Variants in RBPMS observed in about 807,000 individuals in gnomAD.
RBPMS encodes the protein RNA binding protein, mRNA processing factor, also known as RNA-binding protein with multiple splicing.
In RBPMS, 7 loss-of-function variants were observed where a neutral mutation model predicts 26.8. The observed-to-expected ratio is 0.26, with a 90% confidence interval of 0.15 to 0.49. RBPMS has a LOEUF of 0.49. RBPMS is among the 20% of genes least tolerant of loss of function. The pLI, the probability that RBPMS is intolerant of heterozygous loss-of-function variation, is 0.98. For synonymous variants in RBPMS, 96 were observed against 93.3 expected (o/e 1.03, Z -0.17); for missense variants, 186 against 250.0 (o/e 0.74, Z 1.73).
At chr8:30,451,038 G>A (rs1166491587) in intron 1 of RBPMS, among the ~76,000 whole-genome samples, 2 of 152,136 alleles carry the variant, frequency 1.3e-5, no homozygotes, top group Non-Finnish European at 2.9e-5. Context: ...AGCCCTGGAG[G>A]TAGAAAATGT....
At chr8:30,479,140 T>A (rs1484976044) in intron 3 of RBPMS, among the ~76,000 whole-genome samples, 175 bp from the exon 4 acceptor site, 1 of 152,206 alleles carries the variant, frequency 6.6e-6, no homozygotes, top group Non-Finnish European at 1.5e-5. Context: ...TTGATTCATA[T>A]TAGAAATTTG....
At chr8:30,543,027 C>CT (rs1383992511) in intron 5 of RBPMS, among the ~76,000 whole-genome samples, 1 of 152,194 alleles carries the variant, frequency 6.6e-6, no homozygotes, top group Non-Finnish European at 1.5e-5. Flanking sequence ...GTCTGTCTTT[C>CT]TATCACCAAG....
chr8:30,509,245 C>A (rs1188243245), intron 5 of RBPMS, among the ~76,000 whole-genome samples: 1 of 152,142 alleles, frequency 6.6e-6, no homozygotes. Flanking sequence ...ACCTTTCTTC[C>A]TTCCTCCCTT....
intron 1 of RBPMS, among the ~76,000 whole-genome samples, chr8:30,440,019 ATCAG>A (rs1202947016): frequency 8.5e-5 from 13 of 152,214 alleles, no homozygotes; most frequent in African/African-American, 2.2e-4. Context: ...TCTACAATCA[ATCAG>A]TCAGTCAGTC....
In RBPMS at chr8:30,544,615, G is replaced by A; in HGVS notation, c.519G>A (p.Leu173=). The A allele has an allele frequency of 6.2e-7, 1 of 1,614,022 alleles. No individual in the cohort carries two copies. Among genetic ancestry groups the A allele is most frequent in the South Asian group, 1.1e-5 (1 of 91,078 alleles). ...PPPAFTYPAS[L]HAQMRWLPPS... is the part of the protein sequence containing the mutation. ...CTGCTTTCACCTATCCCGCTTCACT[G>A]CATGCCCAGGTAATTGATACCCATC... is the stretch of plus-strand genomic sequence containing the variant. The change falls in exon 6 of 9, where the codon CTG becomes CTA. Residue 173 remains leucine, a synonymous_variant. Transcript: ENST00000397323.
chr8:30,519,306 T>C (rs1822744230), intron 5 of RBPMS, among the ~76,000 whole-genome samples: 1 of 152,164 alleles, frequency 6.6e-6, no homozygotes, highest in Non-Finnish European at 1.5e-5. Context: ...GTTACCAAGA[T>C]TTAGCCACAA....
chr8:30,470,717 A>G (rs1304198946), intron 1 of RBPMS, among the ~76,000 whole-genome samples: 1 of 152,152 alleles, frequency 6.6e-6, no homozygotes, highest in Non-Finnish European at 1.5e-5. Flanking sequence ...TAGGTAACCT[A>G]AGTCTCGTCC....
chr8:30,555,243 G>C (rs1826757710), intron 6 of RBPMS, among the ~76,000 whole-genome samples: 1 of 152,174 alleles, frequency 6.6e-6, no homozygotes, highest in African/African-American at 2.4e-5. Flanking sequence ...TGTTAGCCAT[G>C]CAGGGGCACT....
At chr8:30,412,516 T>C (rs1809570309) in intron 1 of RBPMS, among the ~76,000 whole-genome samples, 1 of 152,074 alleles carries the variant, frequency 6.6e-6, no homozygotes, top group Non-Finnish European at 1.5e-5. Context: ...ACTACATCTA[T>C]TTTTAGCACC....
chr8:30,558,846 T>C, intron 6 of RBPMS, 41 bp from the exon 7 acceptor site: 3 of 1,553,356 alleles, frequency 1.9e-6, no homozygotes, highest in Non-Finnish European at 2.7e-6. Flanking sequence ...GGGGATATGC[T>C]GGGGAGCCCT....
intron 5 of RBPMS, among the ~76,000 whole-genome samples, chr8:30,521,114 T>G (rs1468620854): frequency 6.6e-6 from 1 of 152,220 alleles, no homozygotes; most frequent in Non-Finnish European, 1.5e-5. Context: ...GGGCAGAAAG[T>G]TAAATATTTA....
chr8:30,443,171 A>T (rs566985522), intron 1 of RBPMS, among the ~76,000 whole-genome samples: 1 of 152,144 alleles, frequency 6.6e-6, no homozygotes, highest in African/African-American at 2.4e-5. Context: ...TTGCGTGGAT[A>T]TTGCCTTTTT....
intron 7 of RBPMS, chr8:30,564,437 C>T (rs371490559): frequency 2.6e-5 from 4 of 152,206 alleles, no homozygotes; most frequent in South Asian, 2.1e-4. Flanking sequence ...TTATGGTTCC[C>T]ATCTGAGCTC....
chr8:30,390,673 GA>G (rs1481881611), intron 1 of RBPMS, among the ~76,000 whole-genome samples: 1 of 152,134 alleles, frequency 6.6e-6, no homozygotes, highest in African/African-American at 2.4e-5. Context: ...CCATCCCATA[GA>G]GATGATTTTT....
intron 1 of RBPMS, among the ~76,000 whole-genome samples, chr8:30,473,945 G>C (rs1817416207): frequency 1.3e-5 from 2 of 152,160 alleles, no homozygotes; most frequent in Non-Finnish European, 2.9e-5. Context: ...GGGGGCTTGA[G>C]GGGAGGAAGA....
chr8:30,514,657 C>T (rs1043381627), intron 5 of RBPMS, among the ~76,000 whole-genome samples: 5 of 139,682 alleles, frequency 3.6e-5, no homozygotes, highest in East Asian at 4.2e-4. Context: ...GCTGGGACTA[C>T]GGGTGCGAGC....
At chr8:30,528,250 C>G (rs1399515189) in intron 5 of RBPMS, among the ~76,000 whole-genome samples, 1 of 151,822 alleles carries the variant, frequency 6.6e-6, no homozygotes, top group Non-Finnish European at 1.5e-5. Flanking sequence ...GGGGATGTCA[C>G]ATTGCTTTCG....
rs58763494 is a variant in RBPMS at position 30,518,687 on chromosome 8, C to CTTTTTTTTTTTTTTTTTTTTTTT, written c.397+14257_397+14279dup. 4.9e-4 allele frequency among the ~76,000 whole-genome samples: 9 copies of CTTTTTTTTTTTTTTTTTTTTTTT among 18,244 alleles called. 4 individuals are homozygous for CTTTTTTTTTTTTTTTTTTTTTTT. Among genetic ancestry groups the CTTTTTTTTTTTTTTTTTTTTTTT allele is most frequent in the Non-Finnish European group, 7.8e-4 (8 of 10,242 alleles). The allele number at this position is 18,244 out of a possible 152,430, so 12.0% of individuals were successfully genotyped here. A position where few individuals can be genotyped will look rare whatever the true frequency, so the allele number is the denominator to read the frequency against. On this transcript the variant is annotated intron_variant, in intron 5 of 8. Transcript: ENST00000397323. ...CAGTGATCCGCCCGGCCAAGCATGA[C>CTTTTTTTTTTTTTTTTTTTTTTT]TTTTTTTTTTTTTTTTTTTTTTTTT... is the stretch of plus-strand genomic sequence containing the variant.
intron 1 of RBPMS, among the ~76,000 whole-genome samples, chr8:30,444,003 T>G (rs921056490): frequency 1.3e-5 from 2 of 151,976 alleles, no homozygotes; most frequent in Non-Finnish European, 2.9e-5. Context: ...TTCAAGCGAT[T>G]CTCTTGCCTC....
Sources: allele counts gnomAD v4.1 joint callset (sites outside exome capture counted in the v4.1 genomes callset), GRCh38; gene constraint gnomAD v4.1.1; transcripts MANE v1.5; gene names NCBI Gene and HGNC (gene_info 2026-07-23, HGNC 2026-07-21).